Variants in DPP10 observed in about 807,000 individuals in gnomAD.
DPP10 encodes dipeptidyl peptidase like 10, also known as inactive dipeptidyl peptidase 10.
DPP10 carries 33 observed loss-of-function variants against 120.9 expected under a neutral mutation model. The observed-to-expected ratio is 0.27, with a 90% CI of 0.21 to 0.37. DPP10 has a LOEUF of 0.37. Ranked by LOEUF, DPP10 falls within the 10% of genes least tolerant of loss-of-function variation. The pLI is 1.00. For synonymous variants in DPP10, 337 were observed against 326.1 expected (o/e 1.03, Z -0.36); for missense variants, 816 against 942.8 (o/e 0.87, Z 1.76).
rs557627092 is a variant in DPP10 at position 115,335,708 on chromosome 2, G to A, written c.176-8109G>A. ...GCATTCTGTAGTTTCATCTAGCTGTGCAAGGAGGGGTAGAAGTGATGTTAT... is the reference window on the plus strand; with the variant it reads ...GCATTCTGTAGTTTCATCTAGCTGTACAAGGAGGGGTAGAAGTGATGTTAT... On this transcript the variant is annotated intron_variant, in intron 2 of 25. Transcript: ENST00000410059. Among the ~76,000 whole-genome samples, 13 of 152,130 alleles carry A rather than the reference G, an allele frequency of 8.5e-5. No individual in the cohort carries two copies. The East Asian group carries it at 1.9e-3, about 23-fold the overall frequency.
At chr2:114,917,267 G>C (rs1280913758) in intron 1 of DPP10, among the ~76,000 whole-genome samples, 1 of 152,082 alleles carries the variant, frequency 6.6e-6, no homozygotes, top group East Asian at 1.9e-4. Context: ...AACCAAGGAA[G>C]GGAAAAATCT....
At chr2:115,352,061 A>T (rs1361777771) in intron 3 of DPP10, among the ~76,000 whole-genome samples, 1 of 152,100 alleles carries the variant, frequency 6.6e-6, no homozygotes, top group East Asian at 1.9e-4. Flanking sequence ...GAGAAAAGGG[A>T]TTTACTGATA....
chr2:115,294,119 GT>G (rs993497520), intron 1 of DPP10, among the ~76,000 whole-genome samples: 2 of 152,066 alleles, frequency 1.3e-5, no homozygotes, highest in African/African-American at 4.8e-5. Flanking sequence ...ACAAACAGAT[GT>G]AGTTTGTTAA....
At chr2:115,276,502 A>T (rs773772580) in intron 1 of DPP10, among the ~76,000 whole-genome samples, 1 of 152,250 alleles carries the variant, frequency 6.6e-6, no homozygotes, top group Non-Finnish European at 1.5e-5. Context: ...AAAACCACTC[A>T]TCCTAGAGCA....
At chr2:115,745,513 C>A (rs1262224574) in intron 9 of DPP10, among the ~76,000 whole-genome samples, 1 of 150,436 alleles carries the variant, frequency 6.6e-6, no homozygotes, top group African/African-American at 2.4e-5. Flanking sequence ...CAAGGGTTGT[C>A]AATTATGCAA....
intron 3 of DPP10, among the ~76,000 whole-genome samples, chr2:115,376,500 G>T (rs997186720): frequency 6.6e-6 from 1 of 151,006 alleles, no homozygotes; most frequent in Non-Finnish European, 1.5e-5. Flanking sequence ...AATTTCACCA[G>T]TGGACACTTG....
intron 1 of DPP10, among the ~76,000 whole-genome samples, chr2:114,961,409 C>T (rs570993436): frequency 2.0e-5 from 3 of 151,962 alleles, no homozygotes; most frequent in South Asian, 2.1e-4. Flanking sequence ...GCATTCATCA[C>T]ATTGTAATTG....
chr2:115,385,021 C>T (rs1461345325), intron 3 of DPP10, among the ~76,000 whole-genome samples: 1 of 152,206 alleles, frequency 6.6e-6, no homozygotes, highest in Non-Finnish European at 1.5e-5. Flanking sequence ...TTTTATCTTG[C>T]TGCCACCATG....
At chr2:115,267,876 A>G (rs2059526630) in intron 1 of DPP10, among the ~76,000 whole-genome samples, 1 of 152,122 alleles carries the variant, frequency 6.6e-6, no homozygotes. Context: ...ATTTAATGGT[A>G]ATTTATGTGT....
chr2:114,448,764 G>T (rs1255829891), intron 1 of DPP10, among the ~76,000 whole-genome samples: 1 of 152,148 alleles, frequency 6.6e-6, no homozygotes, highest in Non-Finnish European at 1.5e-5. Flanking sequence ...TAAGTAACAT[G>T]AATTCTGTGA....
intron 1 of DPP10, among the ~76,000 whole-genome samples, chr2:115,177,874 C>T (rs1301803419): frequency 6.6e-6 from 1 of 152,110 alleles, no homozygotes; most frequent in Non-Finnish European, 1.5e-5. Flanking sequence ...TGCCATTCTC[C>T]TGCCTCAGCC....
At chr2:115,384,306 C>T (rs1452593036) in intron 3 of DPP10, among the ~76,000 whole-genome samples, 1 of 151,868 alleles carries the variant, frequency 6.6e-6, no homozygotes, top group East Asian at 1.9e-4. Context: ...ACTAGGAGTT[C>T]AAGGCTGCAG....
At chr2:115,615,834 T>C (rs1467872298) in intron 5 of DPP10, among the ~76,000 whole-genome samples, 1 of 152,130 alleles carries the variant, frequency 6.6e-6, no homozygotes, top group African/African-American at 2.4e-5. Context: ...GGAGATTATA[T>C]TAGAGAATTA....
intron 1 of DPP10, among the ~76,000 whole-genome samples, chr2:114,859,052 C>T (rs1361137963): frequency 2.0e-5 from 3 of 151,912 alleles, no homozygotes; most frequent in South Asian, 4.2e-4. Context: ...ATTGGCCAGA[C>T]GCGGTGGCTC....
chr2:115,692,154 G>A (rs1340385953), intron 7 of DPP10, among the ~76,000 whole-genome samples: 1 of 151,328 alleles, frequency 6.6e-6, no homozygotes, highest in African/African-American at 2.4e-5. Flanking sequence ...TTTGTTTTTT[G>A]TTTTTGCTGG....
At chr2:114,972,749 G>C (rs1177928846) in intron 1 of DPP10, among the ~76,000 whole-genome samples, 9 of 152,188 alleles carry the variant, frequency 5.9e-5, no homozygotes, top group Non-Finnish European at 2.9e-5. Flanking sequence ...CTATGATTTA[G>C]CTTGATTGGA....
intron 8 of DPP10, among the ~76,000 whole-genome samples, chr2:115,729,096 A>G (rs960031674): frequency 6.6e-6 from 1 of 152,230 alleles, no homozygotes; most frequent in Non-Finnish European, 1.5e-5. Context: ...CTGTGAAAGT[A>G]TATATTAGAA....
intron 1 of DPP10, among the ~76,000 whole-genome samples, chr2:114,713,766 G>A (rs1309871130): frequency 6.6e-6 from 1 of 151,956 alleles, no homozygotes; most frequent in Admixed American, 6.6e-5. Context: ...AGAGGTGGGC[G>A]GATCACCTGA....
At chr2:114,462,303 T>C (rs1280216546) in intron 1 of DPP10, among the ~76,000 whole-genome samples, 1 of 152,218 alleles carries the variant, frequency 6.6e-6, no homozygotes, top group Non-Finnish European at 1.5e-5. Flanking sequence ...TGTGGCACAT[T>C]ACTATTAACT....
Sources: gnomAD v4.1 joint callset for allele counts (sites outside exome capture counted in the v4.1 genomes callset) on GRCh38, gnomAD v4.1.1 for gene constraint, MANE v1.5 for transcripts, NCBI Gene and HGNC (gene_info 2026-07-23, HGNC 2026-07-21) for gene names.